SLC17A5: variants seen among roughly 807,000 people sequenced by gnomAD.
The protein encoded by SLC17A5 is solute carrier family 17 member 5.
SLC17A5 carries 47 observed loss-of-function variants against 59.4 expected under a neutral mutation model. The ratio of observed to expected loss-of-function variants is 0.79; its 90% CI spans 0.63 to 1.01. The LOEUF (loss-of-function observed/expected upper bound fraction) is 1.01, where lower values mean the gene tolerates loss of function less well. Among genes scored for constraint, SLC17A5 ranks in the 50% least tolerant of loss-of-function variants. The pLI, the probability that SLC17A5 is intolerant of heterozygous loss-of-function variation, is 0.00. For missense variants in SLC17A5, 522 were observed against 595.5 expected (o/e 0.88, Z 1.28); for synonymous variants, 202 against 210.7 (o/e 0.96, Z 0.36).
chr6:73,623,031 G>A (rs1768225194), intron 6 of SLC17A5, among the ~76,000 whole-genome samples: 1 of 152,058 alleles, frequency 6.6e-6, no homozygotes, highest in East Asian at 1.9e-4. Context: ...GCATATTGCA[G>A]TTTAAGTACT....
chr6:73,614,738 G>C (rs933367896), intron 8 of SLC17A5, among the ~76,000 whole-genome samples: 2 of 152,168 alleles, frequency 1.3e-5, no homozygotes, highest in Non-Finnish European at 2.9e-5. Flanking sequence ...AACTTTTGCG[G>C]TCGGGGTTCT....
At chr6:73,596,944 C>T (rs1041099321) in intron 10 of SLC17A5, among the ~76,000 whole-genome samples, 10 of 150,492 alleles carry the variant, frequency 6.6e-5, no homozygotes, top group East Asian at 2.0e-4. Flanking sequence ...GTGGATCACC[C>T]GAGGTCAGGA....
At position 73,610,663 on chromosome 6, in the gene SLC17A5, T is replaced by C. The variant is rs147775729; in HGVS notation, c.1112-116A>G. 7.9e-4 allele frequency: 900 copies of C among 1,134,100 alleles called. 8 individuals are homozygous for C. The African/African-American group carries it at 0.011, about 14-fold the overall frequency. 70.3% of individuals were successfully genotyped at this position (1,134,100 alleles called of 1,614,324 possible). On this transcript the variant is annotated intron_variant, in intron 8 of 10. Coordinates refer to ENST00000355773, the MANE Select transcript of SLC17A5 (RefSeq NM_012434.5). ...TGCCACCTACTGTAGAAACACTATATTGCCTGGAAGACTAACAAATTTCAT... is the reference window on the plus strand; with the variant it reads ...TGCCACCTACTGTAGAAACACTATACTGCCTGGAAGACTAACAAATTTCAT...
At chr6:73,638,734 C>G (rs1769140250) in intron 3 of SLC17A5, among the ~76,000 whole-genome samples, 1 of 151,818 alleles carries the variant, frequency 6.6e-6, no homozygotes, top group Non-Finnish European at 1.5e-5. Context: ...CTTTGGGAGG[C>G]CAAGGCAGGA....
chr6:73,601,880 C>T (rs1561984859), intron 9 of SLC17A5, among the ~76,000 whole-genome samples: 3 of 151,748 alleles, frequency 2.0e-5, no homozygotes, highest in East Asian at 3.9e-4. Context: ...TCTGCCCGGC[C>T]GCCCCTACTG....
intron 9 of SLC17A5, among the ~76,000 whole-genome samples, chr6:73,605,988 CAAAACAA>C (rs952364198): frequency 1.3e-5 from 2 of 151,888 alleles, no homozygotes; most frequent in South Asian, 2.1e-4. Flanking sequence ...AAAAACAAAA[CAAAACAA>C]AAAACAAATA....
At chr6:73,595,858 G>T (rs1766767999) in intron 10 of SLC17A5, among the ~76,000 whole-genome samples, 1 of 151,508 alleles carries the variant, frequency 6.6e-6, no homozygotes, top group East Asian at 1.9e-4. Flanking sequence ...GATTAGAGGT[G>T]CATGCTACCA....
intron 6 of SLC17A5, among the ~76,000 whole-genome samples, chr6:73,630,908 T>C (rs1768674329): frequency 6.7e-6 from 1 of 149,298 alleles, no homozygotes; most frequent in Non-Finnish European, 1.5e-5. Flanking sequence ...TAGCTGGGTG[T>C]GGTGGTGCAC....
intron 6 of SLC17A5, among the ~76,000 whole-genome samples, chr6:73,623,671 TTTA>T (rs1768266516): frequency 1.4e-5 from 1 of 69,986 alleles, no homozygotes; most frequent in East Asian, 3.4e-4. Context: ...TTTTTATTTA[TTTA>T]TTTATTTATT....
At chr6:73,604,216 G>C (rs1265774429) in intron 9 of SLC17A5, among the ~76,000 whole-genome samples, 1 of 151,962 alleles carries the variant, frequency 6.6e-6, no homozygotes, top group African/African-American at 2.4e-5. Context: ...TCCAGTGACA[G>C]ATATTAAGTG....
chr6:73,650,380 G>A (rs1769796336), intron 1 of SLC17A5, among the ~76,000 whole-genome samples: 3 of 150,816 alleles, frequency 2.0e-5, no homozygotes, highest in African/African-American at 7.3e-5. Flanking sequence ...GTGGTGGCGG[G>A]TGCCTGTAGT....
At chr6:73,631,905 A>G (rs1768734152) in intron 6 of SLC17A5, among the ~76,000 whole-genome samples, 1 of 151,386 alleles carries the variant, frequency 6.6e-6, no homozygotes, top group African/African-American at 2.4e-5. Context: ...TGTTTAAAGA[A>G]TGAATGAGTA....
intron 10 of SLC17A5, among the ~76,000 whole-genome samples, chr6:73,598,845 G>A (rs35468063): frequency 0.25 from 38,598 of 151,836 alleles, 5,248 homozygotes; most frequent in Non-Finnish European, 0.3. Flanking sequence ...TTAGCTGGGC[G>A]TGGTGGCACA....
intron 7 of SLC17A5, among the ~76,000 whole-genome samples, chr6:73,621,099 G>A (rs12199822): frequency 0.056 from 8,470 of 151,980 alleles, 421 homozygotes; most frequent in Admixed American, 0.16. Flanking sequence ...TCCGCTTCCC[G>A]GGTTCAAGCA....
At chr6:73,600,566 T>C (rs1488376613) in intron 9 of SLC17A5, 125 bp from the exon 10 acceptor site, 3 of 773,916 alleles carry the variant, frequency 3.9e-6, no homozygotes, top group Non-Finnish European at 6.5e-6. Context: ...TTGAGGGCAG[T>C]GGGATGATCT....
chr6:73,615,668 C>A (rs964907616), intron 7 of SLC17A5, among the ~76,000 whole-genome samples: 2 of 152,022 alleles, frequency 1.3e-5, no homozygotes, highest in African/African-American at 4.8e-5. Context: ...GGGAAATAAG[C>A]CTTGCCCTAG....
chr6:73,594,594 G>C lies in SLC17A5; in HGVS notation c.*483C>G, dbSNP rs1362665020. 4 of 192,124 alleles carry C rather than the reference G, an allele frequency of 2.1e-5. No individual in the cohort carries two copies. The highest frequency in any genetic ancestry group is 3.2e-5 in the Non-Finnish European group (3 of 92,610). The allele number at this position is 192,124 out of a possible 1,614,324, so 11.9% of individuals were successfully genotyped here. A position where few individuals can be genotyped will look rare whatever the true frequency, so the allele number is the denominator to read the frequency against. Reference sequence around the variant, plus strand: ...CAGCTGCCTGGGCACACTCCCCTCAGTCCAGTTGCCAGGCGAAATTATACA... The same window carrying C: ...CAGCTGCCTGGGCACACTCCCCTCACTCCAGTTGCCAGGCGAAATTATACA... On this transcript the variant is annotated 3_prime_UTR_variant, in exon 11 of 11. Coordinates refer to ENST00000355773, the MANE Select transcript of SLC17A5 (RefSeq NM_012434.5).
At chr6:73,638,326 G>T in intron 4 of SLC17A5, 86 bp downstream of exon 4, 1 of 910,566 alleles carries the variant, frequency 1.1e-6, no homozygotes, top group Non-Finnish European at 1.8e-6. Flanking sequence ...ATCCAACATT[G>T]CATCGTTCTG....
At chr6:73,623,458 C>A (rs1242908230) in intron 6 of SLC17A5, among the ~76,000 whole-genome samples, 2 of 151,910 alleles carry the variant, frequency 1.3e-5, no homozygotes, top group Non-Finnish European at 2.9e-5. Flanking sequence ...CCTCAGCCCC[C>A]CAAGTAGCTG....
Sources: gnomAD v4.1 joint callset for allele counts (sites outside exome capture counted in the v4.1 genomes callset) on GRCh38, gnomAD v4.1.1 for gene constraint, MANE v1.5 for transcripts, NCBI Gene and HGNC (gene_info 2026-07-23, HGNC 2026-07-21) for gene names.